The following SLC4A10 variants were observed in gnomAD, a reference collection of about 807,000 sequenced individuals.
The protein encoded by SLC4A10 is sodium-driven chloride bicarbonate exchanger.
A neutral mutation model predicts 137.7 loss-of-function variants in SLC4A10; 42 were observed. The observed-to-expected ratio is 0.30, with a 90% CI of 0.24 to 0.39. SLC4A10 has a LOEUF of 0.39. SLC4A10 is among the 10% of genes least tolerant of loss of function. SLC4A10 has a pLI of 1.00. For missense variants in SLC4A10, 925 were observed against 1,355.0 expected (o/e 0.68, Z 4.98); for synonymous variants, 474 against 464.1 (o/e 1.02, Z -0.27).
chr2:161,887,614 A>G (rs2062455240), intron 10 of SLC4A10, among the ~76,000 whole-genome samples: 1 of 152,086 alleles, frequency 6.6e-6, no homozygotes, highest in Admixed American at 6.5e-5. Context: ...TTCTTTTGAG[A>G]AATTTCTGTT....
intron 1 of SLC4A10, among the ~76,000 whole-genome samples, chr2:161,712,685 G>C (rs189559328): frequency 1.4e-4 from 22 of 151,860 alleles, no homozygotes; most frequent in Middle Eastern, 3.4e-3. Context: ...ACATTTATCT[G>C]CTTAAAATTC....
chr2:161,878,340 G>A (rs569550457), intron 8 of SLC4A10, among the ~76,000 whole-genome samples: 1 of 152,252 alleles, frequency 6.6e-6, no homozygotes, highest in South Asian at 2.1e-4. Context: ...GTCACTGCTT[G>A]TCTTTCACTG....
At chr2:161,708,711 C>A (rs1362613817) in intron 1 of SLC4A10, 5 of 1,526,154 alleles carry the variant, frequency 3.3e-6, no homozygotes, top group Non-Finnish European at 4.4e-6. Context: ...GATGCTGAGA[C>A]ATAGAGATGG....
chr2:161,971,116 A>G (rs549437519), intron 23 of SLC4A10, among the ~76,000 whole-genome samples: 57 of 152,360 alleles, frequency 3.7e-4, no homozygotes, highest in African/African-American at 1.3e-3. Context: ...TTACATACCT[A>G]GTACCTAACA....
chr2:161,775,955 G>A (rs1050758395), intron 2 of SLC4A10, among the ~76,000 whole-genome samples: 1 of 151,826 alleles, frequency 6.6e-6, no homozygotes, highest in Non-Finnish European at 1.5e-5. Context: ...CATTTTGAAT[G>A]CAGTGATCAA....
At chr2:161,679,103 T>C (rs1231472086) in intron 1 of SLC4A10, among the ~76,000 whole-genome samples, 7 of 152,164 alleles carry the variant, frequency 4.6e-5, no homozygotes, top group South Asian at 2.1e-4. Flanking sequence ...TTGCTCCACA[T>C]ACTTTCTAAC....
intron 1 of SLC4A10, among the ~76,000 whole-genome samples, chr2:161,655,819 T>A (rs921574418): frequency 5.5e-5 from 8 of 146,470 alleles, no homozygotes; most frequent in Non-Finnish European, 1.1e-4. Flanking sequence ...AAATTCTTCT[T>A]TTTTTTTTTT....
intron 15 of SLC4A10, among the ~76,000 whole-genome samples, chr2:161,934,332 C>A (rs56160038): frequency 0.067 from 10,202 of 152,136 alleles, 445 homozygotes; most frequent in East Asian, 0.13. Flanking sequence ...CCCTTCCCAG[C>A]CTCTGATAAC....
chr2:161,659,779 T>C (rs2038050354), intron 1 of SLC4A10, among the ~76,000 whole-genome samples: 1 of 152,178 alleles, frequency 6.6e-6, no homozygotes, highest in Non-Finnish European at 1.5e-5. Context: ...TGAATAGCTA[T>C]ATAAAATGCA....
intron 1 of SLC4A10, among the ~76,000 whole-genome samples, chr2:161,721,730 C>T (rs2045700242): frequency 6.6e-6 from 1 of 152,118 alleles, no homozygotes; most frequent in South Asian, 2.1e-4. Flanking sequence ...GAATGTTGGC[C>T]TGTCTTGCTA....
chr2:161,806,473 G>A lies in SLC4A10; in HGVS notation c.277+1878G>A, dbSNP rs551410971. Among the ~76,000 whole-genome samples the A allele has an allele frequency of 1.2e-4, 19 of 152,136 alleles. 1 individual carries two copies. The highest frequency in any genetic ancestry group is 3.6e-4 in the African/African-American group (15 of 41,518). Reference sequence around the variant, plus strand: ...TATCCTTTGCTTCCTTTATAAAACCGAATGTCTTTAACAGCATCCAAGTCA... The same window carrying A: ...TATCCTTTGCTTCCTTTATAAAACCAAATGTCTTTAACAGCATCCAAGTCA... On this transcript the variant is annotated intron_variant, in intron 3 of 26. Transcript: ENST00000446997.
At chr2:161,952,920 A>G (rs1695050547) in intron 19 of SLC4A10, among the ~76,000 whole-genome samples, 1 of 152,186 alleles carries the variant, frequency 6.6e-6, no homozygotes, top group Non-Finnish European at 1.5e-5. Flanking sequence ...CTGTTGCTTC[A>G]TTGAAATGTT....
intron 1 of SLC4A10, among the ~76,000 whole-genome samples, chr2:161,643,939 A>G (rs1042885683): frequency 1.2e-4 from 19 of 152,258 alleles, no homozygotes; most frequent in African/African-American, 4.3e-4. Context: ...ATTCCAAATA[A>G]GAGGATTTAG....
chr2:161,984,330 T>C lies in SLC4A10; in HGVS notation c.*1178T>C, dbSNP rs1050698121. 7.2e-5 allele frequency: 11 copies of C among 152,302 alleles called. No individual in the cohort carries two copies. The highest frequency in any genetic ancestry group is 2.2e-4 in the African/African-American group (9 of 41,572). 9.4% of individuals were successfully genotyped at this position (152,302 alleles called of 1,614,324 possible). ...AAATAATACATCTTTACTAAACTTA[T>C]ATAAGGGGAGAGAAAGTTATGAAGT... On this transcript the variant is annotated 3_prime_UTR_variant, in exon 27 of 27. Transcript: ENST00000446997.
At chr2:161,766,317 G>A (rs2050788731) in intron 1 of SLC4A10, among the ~76,000 whole-genome samples, 1 of 152,096 alleles carries the variant, frequency 6.6e-6, no homozygotes, top group African/African-American at 2.4e-5. Context: ...ATGGAATTGT[G>A]TTTTGGTTGA....
chr2:161,900,722 A>G (rs1368881368), intron 11 of SLC4A10, among the ~76,000 whole-genome samples, 189 bp from the exon 12 acceptor site: 3 of 152,116 alleles, frequency 2.0e-5, no homozygotes, highest in Non-Finnish European at 2.9e-5. Context: ...CCCCCAGTAA[A>G]CAAAGGAAGA....
chr2:161,909,954 G>A lies in SLC4A10; in HGVS notation c.1997+4067G>A, dbSNP rs576009897. On this transcript the variant is annotated intron_variant, in intron 15 of 26. Coordinates refer to ENST00000446997, the MANE Select transcript of SLC4A10 (RefSeq NM_001178015.2). ...TGTCCACCTAAAGTTTTCTACTTTAGATGTTGCTGGTCTCATATTTATTAT... is the reference window on the plus strand; with the variant it reads ...TGTCCACCTAAAGTTTTCTACTTTAAATGTTGCTGGTCTCATATTTATTAT... 8.5e-5 allele frequency among the ~76,000 whole-genome samples: 13 copies of A among 152,148 alleles called. No individual in the cohort carries two copies. In the South Asian group the frequency reaches 2.7e-3, roughly 32 times the overall value.
chr2:161,798,578 A>G (rs1559274196), intron 2 of SLC4A10, among the ~76,000 whole-genome samples: 1 of 151,810 alleles, frequency 6.6e-6, no homozygotes, highest in Non-Finnish European at 1.5e-5. Flanking sequence ...ACATAATAAT[A>G]GCCACACAAC....
intron 1 of SLC4A10, among the ~76,000 whole-genome samples, chr2:161,691,647 A>T (rs2042011855): frequency 6.6e-6 from 1 of 152,132 alleles, no homozygotes; most frequent in Non-Finnish European, 1.5e-5. Context: ...AAAAGTAAAT[A>T]AGTATTATTG....
Sources: allele counts gnomAD v4.1 joint callset (sites outside exome capture counted in the v4.1 genomes callset), GRCh38; gene constraint gnomAD v4.1.1; transcripts MANE v1.5; gene names NCBI Gene and HGNC (gene_info 2026-07-23, HGNC 2026-07-21).